Variants in PTPRD observed in about 807,000 individuals in gnomAD.
PTPRD encodes the protein protein tyrosine phosphatase receptor type D, also known as receptor-type tyrosine-protein phosphatase delta.
Under a neutral mutation model 214.5 loss-of-function variants are expected in PTPRD, and 34 were observed. The ratio of observed to expected loss-of-function variants is 0.16; its 90% CI spans 0.12 to 0.21. PTPRD has a LOEUF of 0.21. Among genes scored for constraint, PTPRD ranks in the 10% least tolerant of loss-of-function variants. PTPRD has a pLI of 1.00. For missense variants in PTPRD, 2,545 were observed against 2,398.7 expected, an observed-to-expected ratio of 1.06 and a Z score of -1.27; for synonymous variants, 1,128 against 845.7, an observed-to-expected ratio of 1.33 and a Z score of -5.79.
intron 3 of PTPRD, among the ~76,000 whole-genome samples, chr9:10,038,806 G>A (rs1330029650): frequency 6.6e-6 from 1 of 152,012 alleles, no homozygotes; most frequent in Admixed American, 6.6e-5. Context: ...GGTATAAAAT[G>A]TTGTATTATT....
At chr9:10,420,454 G>A (rs2154515586) in intron 2 of PTPRD, among the ~76,000 whole-genome samples, 1 of 151,966 alleles carries the variant, frequency 6.6e-6, no homozygotes, top group East Asian at 2.0e-4. Context: ...GAGATTGGTG[G>A]CCAAGGTTGA....
intron 7 of PTPRD, among the ~76,000 whole-genome samples, chr9:9,646,965 G>A (rs1488091172): frequency 6.6e-6 from 1 of 152,080 alleles, no homozygotes; most frequent in Non-Finnish European, 1.5e-5. Context: ...GGAGGTGCAG[G>A]GGGCTCATAT....
At position 10,023,244 on chromosome 9, in the gene PTPRD, A is replaced by G. The variant is rs528852513; in HGVS notation, c.-472+10474T>C. ...ATTAATCATTTTAAGTGTATAACCA[A>G]TCATTATAAATTAACAGACAACAAT... On this transcript the variant is annotated intron_variant, in intron 4 of 45. Transcript: ENST00000381196. Among the ~76,000 whole-genome samples the G allele has an allele frequency of 3.5e-4, 53 of 152,296 alleles. 1 individual carries two copies. In the South Asian group the frequency reaches 0.011, roughly 31 times the overall value.
At chr9:8,917,573 T>A (rs2098796145) in intron 11 of PTPRD, among the ~76,000 whole-genome samples, 1 of 152,154 alleles carries the variant, frequency 6.6e-6, no homozygotes, top group African/African-American at 2.4e-5. Flanking sequence ...CTGGTTTCTT[T>A]TTACTTTTCT....
rs1338203619 is a variant in PTPRD, at chr9:10,164,157, A to G, written c.-544-130367T>C. ...AAAATACCTGCACTAATATTTAATA[A>G]CCTTGAGGGATTATAAAATACAGAA... On this transcript the variant is annotated intron_variant, in intron 3 of 45. Coordinates refer to ENST00000381196, the MANE Select transcript of PTPRD (RefSeq NM_002839.4). 2.0e-5 allele frequency among the ~76,000 whole-genome samples: 3 copies of G among 151,464 alleles called. No homozygotes were observed. The South Asian group carries it at 6.2e-4, about 31-fold the overall frequency.
chr9:8,594,133 G>A (rs548691855), intron 14 of PTPRD, among the ~76,000 whole-genome samples: 48 of 152,116 alleles, frequency 3.2e-4, no homozygotes, highest in African/African-American at 1.1e-3. Flanking sequence ...TTGCTGGATT[G>A]GTTTGACATG....
At chr9:9,229,342 C>A (rs879931088) in intron 9 of PTPRD, among the ~76,000 whole-genome samples, 1 of 151,930 alleles carries the variant, frequency 6.6e-6, no homozygotes, top group Non-Finnish European at 1.5e-5. Context: ...CTACAAGGGG[C>A]CCAGAGAATT....
At chr9:10,126,340 T>G (rs568935819) in intron 3 of PTPRD, among the ~76,000 whole-genome samples, 2 of 152,122 alleles carry the variant, frequency 1.3e-5, no homozygotes, top group East Asian at 3.9e-4. Flanking sequence ...ATACTTGTTT[T>G]AATTTTTTAA....
chr9:9,151,239 A>G (rs1206950618), intron 10 of PTPRD, among the ~76,000 whole-genome samples: 1 of 152,116 alleles, frequency 6.6e-6, no homozygotes, highest in Non-Finnish European at 1.5e-5. Flanking sequence ...TTGTTTGGGC[A>G]TCTCCTGCTC....
At chr9:8,485,617 T>C (rs538104604) in intron 28 of PTPRD, 145 bp downstream of exon 28, 2 of 746,012 alleles carry the variant, frequency 2.7e-6, no homozygotes. Context: ...ATCCAAGACG[T>C]AGTAAGTTTT....
intron 11 of PTPRD, among the ~76,000 whole-genome samples, chr9:8,977,596 C>G (rs546511184): frequency 6.6e-6 from 1 of 151,910 alleles, no homozygotes; most frequent in Non-Finnish European, 1.5e-5. Context: ...AAATGTCATC[C>G]CAAGGAAATT....
At chr9:9,635,110 T>C (rs2095716429) in intron 7 of PTPRD, among the ~76,000 whole-genome samples, 1 of 152,202 alleles carries the variant, frequency 6.6e-6, no homozygotes, top group Non-Finnish European at 1.5e-5. Flanking sequence ...ACAGTGTCCA[T>C]CTATGGCTAA....
intron 3 of PTPRD, among the ~76,000 whole-genome samples, chr9:10,043,872 T>C (rs1192176859): frequency 6.6e-6 from 1 of 151,848 alleles, no homozygotes; most frequent in Non-Finnish European, 1.5e-5. Context: ...CAAAATGACT[T>C]GCAGTTCCAA....
intron 12 of PTPRD, among the ~76,000 whole-genome samples, chr9:8,692,520 G>C (rs1192464256): frequency 2.6e-5 from 4 of 152,120 alleles, no homozygotes; most frequent in South Asian, 2.1e-4. Context: ...TTGATTTAAT[G>C]ATGTGCTCTT....
intron 7 of PTPRD, among the ~76,000 whole-genome samples, chr9:9,660,481 T>C (rs760891779): frequency 8.4e-4 from 128 of 151,888 alleles, no homozygotes; most frequent in Non-Finnish European, 1.3e-3. Flanking sequence ...ATAGATAATA[T>C]TTTTCAAGAC....
At chr9:9,172,466 G>C (rs1452073592) in intron 10 of PTPRD, among the ~76,000 whole-genome samples, 1 of 151,950 alleles carries the variant, frequency 6.6e-6, no homozygotes, top group African/African-American at 2.4e-5. Context: ...TCATTTTCTG[G>C]AGAAGTGATC....
intron 8 of PTPRD, among the ~76,000 whole-genome samples, chr9:9,444,865 A>G (rs1211012198): frequency 6.6e-6 from 1 of 150,848 alleles, no homozygotes; most frequent in Non-Finnish European, 1.5e-5. Flanking sequence ...TTTAAAGAAT[A>G]CATGCCTACT....
intron 9 of PTPRD, among the ~76,000 whole-genome samples, chr9:9,261,626 G>C (rs1172313641): frequency 6.8e-6 from 1 of 148,010 alleles, no homozygotes; most frequent in South Asian, 2.2e-4. Context: ...ATGAGTGTGT[G>C]CGTGTGTGCA....
At chr9:8,820,710 T>C (rs941689072) in intron 11 of PTPRD, among the ~76,000 whole-genome samples, 1 of 152,050 alleles carries the variant, frequency 6.6e-6, no homozygotes, top group Admixed American at 6.6e-5. Flanking sequence ...GAAATTAAAA[T>C]ATATACATAC....
Sources: allele counts gnomAD v4.1 joint callset (sites outside exome capture counted in the v4.1 genomes callset), GRCh38; gene constraint gnomAD v4.1.1; transcripts MANE v1.5; gene names NCBI Gene and HGNC (gene_info 2026-07-23, HGNC 2026-07-21).